IFT140: variants seen among roughly 807,000 people sequenced by gnomAD.
IFT140 encodes intraflagellar transport protein 140 homolog.
IFT140 carries 133 observed loss-of-function variants against 164.6 expected under a neutral mutation model. The ratio of observed to expected loss-of-function variants is 0.81; its 90% CI spans 0.70 to 0.93. The LOEUF (loss-of-function observed/expected upper bound fraction) is 0.93, where lower values mean the gene tolerates loss of function less well. IFT140 is among the 40% of genes least tolerant of loss of function. The probability of loss-of-function intolerance (pLI) is 0.00; values close to 1 mark genes in which losing one functional copy is unlikely to be tolerated. For synonymous variants in IFT140, 860 were observed against 817.3 expected (o/e 1.05, Z -0.89); for missense variants, 2,045 against 1,972.3 (o/e 1.04, Z -0.70).
chr16:1,610,046 C>T (rs1413709799), intron 2 of IFT140: 1 of 152,568 alleles, frequency 6.6e-6, no homozygotes, highest in Non-Finnish European at 1.5e-5. Flanking sequence ...TAAGCCCATT[C>T]AGCTAAGCGG....
At chr16:1,556,328 A>C (rs2033077648) in intron 19 of IFT140, among the ~76,000 whole-genome samples, 1 of 152,162 alleles carries the variant, frequency 6.6e-6, no homozygotes, top group African/African-American at 2.4e-5. Context: ...CCCAGAACCC[A>C]AGGCTGCCTG....
chr16:1,587,062 G>T, intron 9 of IFT140, 136 bp downstream of exon 9: 1 of 661,248 alleles, frequency 1.5e-6, no homozygotes, highest in South Asian at 1.8e-5. Flanking sequence ...GCCCTTGCCC[G>T]ACTATTTGAA....
Position 1,510,797 on chromosome 16 carries a change from G to A in IFT140, c.*147C>T. Reference sequence around the variant, plus strand: ...ACGGGTCACACCCTCCGCCGGCCCGGGCCGCTGCGTTCTCGCCCAGCTCTG... The same window carrying A: ...ACGGGTCACACCCTCCGCCGGCCCGAGCCGCTGCGTTCTCGCCCAGCTCTG... On this transcript the variant is annotated 3_prime_UTR_variant, in exon 31 of 31. Transcript: ENST00000426508. 2.6e-6 allele frequency: 2 copies of A among 764,290 alleles called. No homozygotes were observed. The highest frequency in any genetic ancestry group is 3.2e-5 in the South Asian group (2 of 61,868). 47.3% of individuals were successfully genotyped at this position (764,290 alleles called of 1,614,324 possible).
Position 1,584,189 on chromosome 16 carries a change from C to G in IFT140, c.1359+28G>C. 3 of 1,599,280 alleles carry G rather than the reference C, an allele frequency of 1.9e-6. No homozygotes were observed. The South Asian group carries it at 3.4e-5, about 18-fold the overall frequency. On this transcript the variant is annotated intron_variant, in intron 11 of 30. Transcript: ENST00000426508. ...CATGGGGCAGTTCTTCTGTCTGTGT[C>G]CCACCCACGGGTCCCCTCGGCAGTC...
intron 2 of IFT140, among the ~76,000 whole-genome samples, chr16:1,608,631 CAAAAAAAAA>C (rs10675170): frequency 1.2e-5 from 1 of 83,722 alleles, no homozygotes; most frequent in African/African-American, 4.8e-5. Context: ...GACTCCGCCT[CAAAAAAAAA>C]AAAAAAAAAA....
In IFT140 at chr16:1,520,583, G is replaced by A. The variant is rs1396086217; in HGVS notation, c.3660+19C>T. ...ACTGCCTGTGAGGTAGCCGCGGGCTGGGGCCGGGAGAGGCTCACCTTCAGC... is the reference window on the plus strand; with the variant it reads ...ACTGCCTGTGAGGTAGCCGCGGGCTAGGGCCGGGAGAGGCTCACCTTCAGC... On this transcript the variant is annotated intron_variant, in intron 27 of 30. Transcript: ENST00000426508. The A allele has an allele frequency of 1.9e-6, 3 of 1,553,970 alleles. No homozygotes were observed. Among genetic ancestry groups the A allele is most frequent in the Non-Finnish European group, 2.6e-6 (3 of 1,145,178 alleles).
chr16:1,534,627 G>A (rs12446975), intron 19 of IFT140: 116,965 of 1,590,164 alleles, frequency 0.074, 6,343 homozygotes, highest in Admixed American at 0.28. Context: ...TGTTAGGCGC[G>A]GACCTGGTGA....
At chr16:1,538,853 G>C (rs1253080647) in intron 19 of IFT140, among the ~76,000 whole-genome samples, 3 of 152,306 alleles carry the variant, frequency 2.0e-5, no homozygotes, top group East Asian at 1.9e-4. Context: ...GAGTCCGTTG[G>C]AGCAGTCAGG....
chr16:1,607,523 A>G (rs2036139632), intron 2 of IFT140, among the ~76,000 whole-genome samples: 1 of 152,220 alleles, frequency 6.6e-6, no homozygotes, highest in South Asian at 2.1e-4. Context: ...AGGCTGTGAC[A>G]GAAACGAATA....
At chr16:1,554,828 A>G (rs2032957603) in intron 19 of IFT140, 1 of 1,614,054 alleles carries the variant, frequency 6.2e-7, no homozygotes, top group Non-Finnish European at 8.5e-7. Flanking sequence ...GAATTGGCCC[A>G]TACACCAACC....
At chr16:1,557,668 T>A (rs576889382) in intron 19 of IFT140, 2 of 478,388 alleles carry the variant, frequency 4.2e-6, no homozygotes, top group Admixed American at 7.0e-5. Flanking sequence ...GGATGGGTAT[T>A]ATAGATGTTT....
chr16:1,548,302 C>T (rs1412314748), intron 19 of IFT140, among the ~76,000 whole-genome samples: 2 of 152,216 alleles, frequency 1.3e-5, no homozygotes, highest in African/African-American at 4.8e-5. Context: ...TGGGGTCTTT[C>T]CACTCTGCCA....
intron 7 of IFT140, among the ~76,000 whole-genome samples, chr16:1,588,717 AG>A (rs1800366500): frequency 6.6e-6 from 1 of 151,996 alleles, no homozygotes; most frequent in East Asian, 1.9e-4. Context: ...CCCACCGGCC[AG>A]TGAGGAACTG....
chr16:1,593,453 A>G (rs934174062), intron 4 of IFT140, among the ~76,000 whole-genome samples: 4 of 152,056 alleles, frequency 2.6e-5, no homozygotes, highest in Admixed American at 2.6e-4. Context: ...CTGGGACGAC[A>G]GGTGCATGCC....
chr16:1,530,293 C>T (rs375232111), intron 19 of IFT140, among the ~76,000 whole-genome samples: 1 of 151,832 alleles, frequency 6.6e-6, no homozygotes, highest in South Asian at 2.1e-4. Flanking sequence ...CCACCACACC[C>T]AGCTAATTTT....
intron 24 of IFT140, chr16:1,524,287 C>T (rs1596303193): frequency 1.3e-5 from 8 of 609,896 alleles, no homozygotes; most frequent in South Asian, 6.2e-5. Flanking sequence ...GGCCATAGGC[C>T]GTGAGCAGCC....
chr16:1,525,917 G>A lies in IFT140; in HGVS notation c.2738C>T (p.Ala913Val). The A allele has an allele frequency of 6.4e-7, 1 of 1,562,974 alleles. No homozygotes were observed. The change falls in exon 21 of 31, where the codon GCC becomes GTC. Residue 913 changes from alanine to valine, a missense_variant. Ala to Val is a moderately conservative substitution (Grantham distance 64, BLOSUM62 0). Coordinates refer to ENST00000426508, the MANE Select transcript of IFT140 (RefSeq NM_014714.4). ...TYHRYAGHLE[A>V]SADCSRALSY... ...GAGGGCCCGGCTGCAGTCGGCGCTGGCCTCCAGGTGCCCGGCATAGCGGTG... is the reference window on the plus strand; with the variant it reads ...GAGGGCCCGGCTGCAGTCGGCGCTGACCTCCAGGTGCCCGGCATAGCGGTG...
rs1336611683 is a variant in IFT140 at position 1,511,045 on chromosome 16, G to A, written c.4288C>T (p.Pro1430Ser). Residue 1430 changes from proline to serine, a missense_variant, in exon 31 of 31, where the codon CCA becomes TCA. By Grantham distance (74) the Pro-to-Ser change is moderately conservative. Transcript: ENST00000426508. The stretch of plus-strand genomic sequence containing the variant: ...TGCTCGGGGACGGTGCGTGGCAGTG[G>A]GAGACCCAGCCCCCGGTGCACGGCG... Reference protein sequence around the residue: ...VDAVHRGLGLPLPRTVPEQVR... With the variant: ...VDAVHRGLGLSLPRTVPEQVR... 2 of 1,606,780 alleles carry A rather than the reference G, an allele frequency of 1.2e-6. No homozygotes were observed. Among genetic ancestry groups the A allele is most frequent in the Non-Finnish European group, 1.7e-6 (2 of 1,176,452 alleles).
intron 13 of IFT140, among the ~76,000 whole-genome samples, chr16:1,575,849 C>A (rs1017666715): frequency 6.6e-6 from 1 of 152,312 alleles, no homozygotes; most frequent in South Asian, 2.1e-4. Context: ...CACCCTTTCC[C>A]ATCATGCCAC....
Sources: gnomAD v4.1 joint callset for allele counts (sites outside exome capture counted in the v4.1 genomes callset) on GRCh38, gnomAD v4.1.1 for gene constraint, MANE v1.5 for transcripts, NCBI Gene and HGNC (gene_info 2026-07-23, HGNC 2026-07-21) for gene names.